The following PLEKHH2 variants were observed in gnomAD, a reference collection of about 807,000 sequenced individuals.
PLEKHH2 encodes pleckstrin homology domain-containing family H member 2.
Under a neutral mutation model 187.9 loss-of-function variants are expected in PLEKHH2, and 129 were observed. That is an observed-to-expected ratio of 0.69 (90% CI 0.59 to 0.79). PLEKHH2 has a LOEUF of 0.79. Ranked by LOEUF, PLEKHH2 falls within the 30% of genes least tolerant of loss-of-function variation. PLEKHH2 has a pLI of 0.00. For synonymous variants in PLEKHH2, 686 were observed against 605.6 expected, an observed-to-expected ratio of 1.13 and a Z score of -1.95; for missense variants, 2,076 against 1,751.2, an observed-to-expected ratio of 1.19 and a Z score of -3.31.
At chr2:43,674,086 G>C (rs1264854589) in intron 2 of PLEKHH2, among the ~76,000 whole-genome samples, 1 of 152,206 alleles carries the variant, frequency 6.6e-6, no homozygotes, top group East Asian at 1.9e-4. Context: ...TCAATAATTT[G>C]TAATATATTA....
Position 43,710,267 on chromosome 2 carries a change from C to A in PLEKHH2, c.2151C>A (p.Val717=). The change falls in exon 13 of 30, where the codon GTC becomes GTA. Residue 717 remains valine, a synonymous_variant. Coordinates refer to ENST00000282406, the MANE Select transcript of PLEKHH2 (RefSeq NM_172069.4). ...SGYLLKMSGK[V]KSWKRRWFVL... is the part of the protein sequence containing the mutation. The stretch of plus-strand genomic sequence containing the variant: ...ATTTATTAAAAATGAGTGGTAAAGT[C>A]AAGTCTTGGAAGCGGCGGTGGTTTG... The A allele has an allele frequency of 6.2e-7, 1 of 1,614,088 alleles. No homozygotes were observed. Among genetic ancestry groups the A allele is most frequent in the Non-Finnish European group, 8.5e-7 (1 of 1,180,022 alleles).
At chr2:43,724,889 G>A (rs1421065683) in intron 16 of PLEKHH2, among the ~76,000 whole-genome samples, 1 of 152,172 alleles carries the variant, frequency 6.6e-6, no homozygotes. Flanking sequence ...CAGCCTCATT[G>A]TCTGGGGTAA....
At chr2:43,647,848 C>G (rs114221191) in intron 2 of PLEKHH2, among the ~76,000 whole-genome samples, 1 of 152,128 alleles carries the variant, frequency 6.6e-6, no homozygotes, top group East Asian at 1.9e-4. Flanking sequence ...GCCAACTTCT[C>G]TTTCCTGCAA....
At chr2:43,662,397 A>T (rs1440428426) in intron 2 of PLEKHH2, among the ~76,000 whole-genome samples, 1 of 6,498 alleles carries the variant, frequency 1.5e-4, no homozygotes, top group Admixed American at 1.6e-3. Context: ...TTTCTAGATA[A>T]ACAATCATGT....
intron 2 of PLEKHH2, among the ~76,000 whole-genome samples, chr2:43,659,163 C>CTTTTTCTTTTTTTT (rs1666941479): frequency 6.8e-6 from 1 of 147,968 alleles, no homozygotes; most frequent in African/African-American, 2.6e-5. Flanking sequence ...ATATTTTTTT[C>CTTTTTCTTTTTTTT]TTTTTTTTGG....
At chr2:43,757,778 TAA>T (rs150827095) in intron 26 of PLEKHH2, among the ~76,000 whole-genome samples, 1 of 150,950 alleles carries the variant, frequency 6.6e-6, no homozygotes, top group Non-Finnish European at 1.5e-5. Context: ...TTTCTTTAAT[TAA>T]AAAAAAAGGC....
chr2:43,681,068 T>C, intron 3 of PLEKHH2: 1 of 1,271,714 alleles, frequency 7.9e-7, no homozygotes, highest in South Asian at 1.4e-5. Flanking sequence ...GATTCCAATC[T>C]ACTGTTCCAC....
chr2:43,739,294 G>GC (rs977577225), intron 20 of PLEKHH2, among the ~76,000 whole-genome samples: 4 of 151,408 alleles, frequency 2.6e-5, no homozygotes, highest in African/African-American at 9.7e-5. Flanking sequence ...TTCTTACCAG[G>GC]CAAAAAAAAA....
intron 3 of PLEKHH2, chr2:43,681,177 C>A: frequency 1.4e-6 from 1 of 694,564 alleles, no homozygotes; most frequent in South Asian, 1.8e-5. Flanking sequence ...TCCTTTTGGT[C>A]CACCACTATT....
intron 26 of PLEKHH2, among the ~76,000 whole-genome samples, chr2:43,757,787 AG>A (rs1672274817): frequency 6.6e-6 from 1 of 151,694 alleles, no homozygotes; most frequent in African/African-American, 2.4e-5. Context: ...TTAAAAAAAA[AG>A]GCTTTAGATG....
chr2:43,729,626 C>A lies in PLEKHH2; in HGVS notation c.2722-11C>A. 1 of 1,530,070 alleles carries A rather than the reference C, an allele frequency of 6.5e-7. No homozygotes were observed. The highest frequency in any genetic ancestry group is 8.8e-7 in the Non-Finnish European group (1 of 1,133,146). 94.8% of individuals were successfully genotyped at this position (1,530,070 alleles called of 1,614,324 possible). ...TGTCTTAACATTTAATTAATATGTT[C>A]TGGTTTTAAGGACACTTGGCTTTAT... On this transcript the variant is annotated splice_polypyrimidine_tract_variant and intron_variant, in intron 17 of 29. Transcript: ENST00000282406.
chr2:43,739,138 G>A lies in PLEKHH2; in HGVS notation c.3123+618G>A, dbSNP rs145360759. ...ACTCCTGATCTCAGGTGATCCGCCC[G>A]CTCTGGCCTCCCAAAGTACTGGGAT... On this transcript the variant is annotated intron_variant, in intron 20 of 29. Transcript: ENST00000282406. Among the ~76,000 whole-genome samples, 977 of 152,170 alleles carry A rather than the reference G, an allele frequency of 6.4e-3. 14 individuals are homozygous for A. The highest frequency in any genetic ancestry group is 0.023 in the African/African-American group (937 of 41,526).
chr2:43,678,066 C>G (rs1361064316), intron 2 of PLEKHH2, among the ~76,000 whole-genome samples: 1 of 150,592 alleles, frequency 6.6e-6, no homozygotes, highest in Non-Finnish European at 1.5e-5. Context: ...CCTCACCTCC[C>G]AGACGGGGTC....
chr2:43,727,526 TGACTAAAAA>T (rs1209032480), intron 17 of PLEKHH2, among the ~76,000 whole-genome samples: 1 of 152,052 alleles, frequency 6.6e-6, no homozygotes, highest in East Asian at 1.9e-4. Context: ...ATCATAAATA[TGACTAAAAA>T]GATAATACAG....
intron 2 of PLEKHH2, among the ~76,000 whole-genome samples, chr2:43,654,155 T>C (rs1574481742): frequency 6.6e-6 from 1 of 152,210 alleles, no homozygotes; most frequent in East Asian, 1.9e-4. Context: ...ACATTTACTT[T>C]TATTAATAAA....
At chr2:43,753,510 C>T in intron 24 of PLEKHH2, 109 bp from the exon 25 acceptor site, 1 of 806,594 alleles carries the variant, frequency 1.2e-6, no homozygotes, top group Non-Finnish European at 1.8e-6. Context: ...GTTCATACCA[C>T]TTAGAGTACT....
chr2:43,677,063 T>C (rs1667846853), intron 2 of PLEKHH2, among the ~76,000 whole-genome samples: 1 of 152,236 alleles, frequency 6.6e-6, no homozygotes, highest in Admixed American at 6.5e-5. Flanking sequence ...GGTATATATG[T>C]AGTCCTTGTA....
intron 16 of PLEKHH2, among the ~76,000 whole-genome samples, chr2:43,721,502 T>C (rs1406142452): frequency 2.0e-5 from 3 of 152,178 alleles, no homozygotes; most frequent in Non-Finnish European, 2.9e-5. Flanking sequence ...TAGCCTACAC[T>C]CTCAGGTCTG....
At chr2:43,761,081 G>C (rs1411958632) in intron 27 of PLEKHH2, among the ~76,000 whole-genome samples, 2 of 152,096 alleles carry the variant, frequency 1.3e-5, no homozygotes, top group African/African-American at 4.8e-5. Context: ...CTTTTGAATT[G>C]AATTCTCCCT....
Sources: gnomAD v4.1 joint callset for allele counts (sites outside exome capture counted in the v4.1 genomes callset) on GRCh38, gnomAD v4.1.1 for gene constraint, MANE v1.5 for transcripts, NCBI Gene and HGNC (gene_info 2026-07-23, HGNC 2026-07-21) for gene names.